HIVEP1: variants seen among roughly 807,000 people sequenced by gnomAD.
HIVEP1 encodes the protein HIVEP zinc finger 1, also known as zinc finger protein 40.
A neutral mutation model predicts 180.0 loss-of-function variants in HIVEP1; 36 were observed. The observed-to-expected ratio is 0.20, with a 90% confidence interval of 0.15 to 0.26. The LOEUF (loss-of-function observed/expected upper bound fraction) is 0.26. Among genes scored for constraint, HIVEP1 ranks in the 10% least tolerant of loss-of-function variants. The probability of loss-of-function intolerance (pLI) is 1.00; values close to 1 mark genes in which losing one functional copy is unlikely to be tolerated. For missense variants in HIVEP1, 3,143 were observed against 3,268.7 expected, an observed-to-expected ratio of 0.96 and a Z score of 0.94; for synonymous variants, 1,239 against 1,239.0, an observed-to-expected ratio of 1.00 and a Z score of 0.00.
intron 2 of HIVEP1, chr6:12,020,136 G>A (rs1768089813): frequency 3.4e-6 from 1 of 295,016 alleles, no homozygotes; most frequent in Admixed American, 4.2e-5. Flanking sequence ...CGACTTGATG[G>A]GTGATCTGTA....
At chr6:12,062,779 A>C (rs1771323692) in intron 2 of HIVEP1, among the ~76,000 whole-genome samples, 1 of 152,220 alleles carries the variant, frequency 6.6e-6, no homozygotes, top group Non-Finnish European at 1.5e-5. Context: ...GGGATAGACC[A>C]GGATTTGAAC....
At chr6:12,143,776 C>G (rs1164423711) in intron 7 of HIVEP1, among the ~76,000 whole-genome samples, 2 of 152,152 alleles carry the variant, frequency 1.3e-5, no homozygotes, top group Non-Finnish European at 2.9e-5. Context: ...TGAGTGAACT[C>G]CCATTCCCAA....
At chr6:12,137,661 G>C (rs1444716061) in intron 7 of HIVEP1, among the ~76,000 whole-genome samples, 1 of 151,750 alleles carries the variant, frequency 6.6e-6, no homozygotes, top group East Asian at 1.9e-4. Context: ...AGAACACAGA[G>C]GTGGAGTTTT....
chr6:12,069,912 T>C (rs1271203553), intron 2 of HIVEP1, among the ~76,000 whole-genome samples: 1 of 152,060 alleles, frequency 6.6e-6, no homozygotes, highest in African/African-American at 2.4e-5. Flanking sequence ...TTTTTTTCTA[T>C]TTTTAGAATT....
intron 2 of HIVEP1, among the ~76,000 whole-genome samples, chr6:12,059,838 G>A (rs1452702369): frequency 1.9e-4 from 29 of 151,922 alleles, no homozygotes; most frequent in Non-Finnish European, 1.0e-4. Flanking sequence ...TAAACTGTAG[G>A]GTACGTAGCA....
Position 12,071,567 on chromosome 6 carries a change from T to C in HIVEP1, c.41-17617T>C, listed in dbSNP as rs564487008. 9.2e-5 allele frequency among the ~76,000 whole-genome samples: 14 copies of C among 152,328 alleles called. No individual in the cohort carries two copies. In the East Asian group the frequency reaches 2.7e-3, roughly 29 times the overall value. On this transcript the variant is annotated intron_variant, in intron 2 of 8. Transcript: ENST00000379388. ...GGTTGAAAGAGAACAAATTATTAAT[T>C]TTTTAAGAAGCACTTTAAACAGAAG...
At chr6:12,106,459 G>A (rs914923931) in intron 3 of HIVEP1, among the ~76,000 whole-genome samples, 1 of 151,968 alleles carries the variant, frequency 6.6e-6, no homozygotes, top group Non-Finnish European at 1.5e-5. Context: ...AATTTTCTGT[G>A]CGAAATTATT....
chr6:12,155,451 C>A (rs188781312), intron 7 of HIVEP1, among the ~76,000 whole-genome samples: 7 of 151,738 alleles, frequency 4.6e-5, no homozygotes, highest in South Asian at 4.2e-4. Flanking sequence ...ATTGTTCCCC[C>A]CAATGTGTCC....
At chr6:12,065,589 C>G (rs568268778) in intron 2 of HIVEP1, among the ~76,000 whole-genome samples, 2 of 152,234 alleles carry the variant, frequency 1.3e-5, no homozygotes, top group African/African-American at 4.8e-5. Context: ...CCCTGACGGG[C>G]TCTGTGAATT....
At chr6:12,168,396 T>C (rs1303392712), downstream of HIVEP1, among the ~76,000 whole-genome samples, 1 of 138,808 alleles carries the variant, frequency 7.2e-6, no homozygotes, top group Non-Finnish European at 1.5e-5. Context: ...ATATATATAA[T>C]ATTTTATATA....
In HIVEP1 at chr6:12,121,206, G is replaced by A. The variant is rs771500900; in HGVS notation, c.1411G>A (p.Gly471Ser). The A allele has an allele frequency of 1.2e-6, 2 of 1,614,092 alleles. No homozygotes were observed. The highest frequency in any genetic ancestry group is 2.2e-5 in the East Asian group (1 of 44,884). Residue 471 changes from glycine (G) to serine (S), a missense_variant, in exon 4 of 9, where the codon GGT (glycine) becomes AGT (serine). Physicochemically the swap from Gly to Ser is moderately conservative, Grantham distance 56 (BLOSUM62 0). Coordinates refer to ENST00000379388, the MANE Select transcript of HIVEP1 (RefSeq NM_002114.4). The surrounding 1 kb of genome is among the most constrained non-coding windows in gnomAD (Gnocchi z 5.3). Reference sequence around the variant, plus strand: ...GGGTCTTGTCTTGCAACCAGATGCTGGTGGCTTGTTCTTGTCCCACGAGTC... The same window carrying A: ...GGGTCTTGTCTTGCAACCAGATGCTAGTGGCTTGTTCTTGTCCCACGAGTC... ...KLGLVLQPDA[G>S]GLFLSHESPK...
chr6:12,062,927 C>T (rs1401281020), intron 2 of HIVEP1, among the ~76,000 whole-genome samples: 1 of 152,162 alleles, frequency 6.6e-6, no homozygotes, highest in Non-Finnish European at 1.5e-5. Flanking sequence ...AGCTGAGTGA[C>T]CGAAGTTACG....
the HIVEP1 span, among the ~76,000 whole-genome samples, chr6:12,188,438 G>GA: frequency 1.3e-5 from 2 of 151,898 alleles, no homozygotes; most frequent in Non-Finnish European, 2.9e-5. Flanking sequence ...ACAGCCAGGG[G>GA]AAAAAAAGAG....
At chr6:12,188,654 A>G in the HIVEP1 span, among the ~76,000 whole-genome samples, 3 of 152,132 alleles carry the variant, frequency 2.0e-5, no homozygotes, top group East Asian at 1.9e-4. Flanking sequence ...TAAGAAATAT[A>G]TAAGATCTAT....
At chr6:12,097,557 T>C (rs534869393) in intron 3 of HIVEP1, among the ~76,000 whole-genome samples, 126 of 152,268 alleles carry the variant, frequency 8.3e-4, no homozygotes, top group African/African-American at 3.0e-3. Flanking sequence ...ATTTCAAATT[T>C]AAATATTCAC....
At chr6:12,142,840 G>A (rs915471509) in intron 7 of HIVEP1, among the ~76,000 whole-genome samples, 2 of 152,178 alleles carry the variant, frequency 1.3e-5, no homozygotes, top group Non-Finnish European at 2.9e-5. Flanking sequence ...CCAGGAAGAA[G>A]TTCAATCTCT....
chr6:12,103,820 GAATAC>G (rs1774248318), intron 3 of HIVEP1, among the ~76,000 whole-genome samples: 1 of 151,998 alleles, frequency 6.6e-6, no homozygotes, highest in Non-Finnish European at 1.5e-5. Context: ...AGTTAAAATA[GAATAC>G]AATATTCTCA....
At chr6:12,173,435 A>T in the HIVEP1 span, among the ~76,000 whole-genome samples, 1 of 152,222 alleles carries the variant, frequency 6.6e-6, no homozygotes, top group Non-Finnish European at 1.5e-5. Flanking sequence ...GAAAGCGATG[A>T]CAGGAACTTG....
intron 2 of HIVEP1, among the ~76,000 whole-genome samples, chr6:12,046,971 C>T (rs1415578772): frequency 9.9e-5 from 15 of 151,344 alleles, no homozygotes; most frequent in African/African-American, 3.6e-4. Context: ...AGCAATTCCC[C>T]TGCCTCAGCC....
Sources: gnomAD v4.1 joint callset for allele counts (sites outside exome capture counted in the v4.1 genomes callset) on GRCh38, gnomAD v4.1.1 for gene constraint, Gnocchi (gnomAD v3.1) non-coding constraint, MANE v1.5 for transcripts, NCBI Gene and HGNC (gene_info 2026-07-23, HGNC 2026-07-21) for gene names.